The following LIN7A variants were observed in gnomAD, a reference collection of about 807,000 sequenced individuals.
The protein encoded by LIN7A is protein lin-7 homolog A.
In LIN7A, 25 loss-of-function variants were observed where a neutral mutation model predicts 29.8. The ratio of observed to expected loss-of-function variants is 0.84; its 90% confidence interval spans 0.61 to 1.17. The LOEUF is 1.17. Among genes scored for constraint, LIN7A ranks in the 50% most tolerant of loss-of-function variants. LIN7A has a pLI of 0.00. For synonymous variants in LIN7A, 118 were observed against 107.5 expected (o/e 1.10, Z -0.60); for missense variants, 239 against 287.0 (o/e 0.83, Z 1.21).
At chr12:80,909,052 G>T (rs548118093) in intron 1 of LIN7A, among the ~76,000 whole-genome samples, 1 of 151,892 alleles carries the variant, frequency 6.6e-6, no homozygotes, top group Non-Finnish European at 1.5e-5. Flanking sequence ...CTAACTCAAC[G>T]CCTCAAAGAT....
intron 1 of LIN7A, among the ~76,000 whole-genome samples, chr12:80,925,804 A>G (rs1247053688): frequency 1.3e-5 from 2 of 152,214 alleles, no homozygotes; most frequent in Non-Finnish European, 1.5e-5. Context: ...TGAAGAAAAT[A>G]GTATTAAAAT....
intron 1 of LIN7A, among the ~76,000 whole-genome samples, chr12:80,890,103 A>G (rs902737550): frequency 2.6e-5 from 4 of 152,152 alleles, no homozygotes; most frequent in Non-Finnish European, 5.9e-5. Context: ...ATTATTTTAA[A>G]TGCTTCTCTT....
At chr12:80,818,085 C>T (rs767572994) in intron 4 of LIN7A, among the ~76,000 whole-genome samples, 1 of 152,102 alleles carries the variant, frequency 6.6e-6, no homozygotes, top group Non-Finnish European at 1.5e-5. Context: ...ATTCCTTTCC[C>T]AAAAAGATAA....
At chr12:80,926,054 T>C (rs1299055061) in intron 1 of LIN7A, among the ~76,000 whole-genome samples, 1 of 152,218 alleles carries the variant, frequency 6.6e-6, no homozygotes, top group African/African-American at 2.4e-5. Context: ...TGGTTGTTTC[T>C]GCTGTAATGT....
At chr12:80,871,207 ATATAT>A (rs1337233300) in intron 2 of LIN7A, among the ~76,000 whole-genome samples, 2 of 152,192 alleles carry the variant, frequency 1.3e-5, no homozygotes, top group Non-Finnish European at 2.9e-5. Context: ...AGAAAAGAGA[ATATAT>A]CTGTGGTTAT....
rs1870291834 is a variant in LIN7A, at chr12:80,793,297, A to G, written c.*4430T>C. 1 of 152,230 alleles carries G rather than the reference A, an allele frequency of 6.6e-6. No individual in the cohort carries two copies. The highest frequency in any genetic ancestry group is 1.5e-5 in the Non-Finnish European group (1 of 68,036). The allele number at this position is 152,230 out of a possible 1,614,324, so 9.4% of individuals were successfully genotyped here. A position where few individuals can be genotyped will look rare whatever the true frequency, so the allele number is the denominator to read the frequency against. Reference sequence around the variant, plus strand: ...AGTGGCTAGAAAATAGAGCTGCATAAATGTTAGTTATGAATAAATTACTTA... The same window carrying G: ...AGTGGCTAGAAAATAGAGCTGCATAGATGTTAGTTATGAATAAATTACTTA... On this transcript the variant is annotated 3_prime_UTR_variant, in exon 6 of 6. Transcript: ENST00000552864.
At chr12:80,849,923 T>C (rs571269657) in intron 2 of LIN7A, among the ~76,000 whole-genome samples, 17 of 152,294 alleles carry the variant, frequency 1.1e-4, no homozygotes, top group African/African-American at 3.8e-4. Context: ...CTGAATTTGT[T>C]TGAAGTTATT....
intron 4 of LIN7A, among the ~76,000 whole-genome samples, chr12:80,829,768 T>G (rs1179977068): frequency 6.6e-6 from 1 of 152,162 alleles, no homozygotes; most frequent in African/African-American, 2.4e-5. Flanking sequence ...AATAATAATG[T>G]GTCATAACAA....
At chr12:80,855,757 T>C (rs1199792477) in intron 2 of LIN7A, among the ~76,000 whole-genome samples, 1 of 152,162 alleles carries the variant, frequency 6.6e-6, no homozygotes, top group Non-Finnish European at 1.5e-5. Context: ...GTACATACTG[T>C]ACTTGATATG....
chr12:80,827,911 T>C (rs1370625611), intron 4 of LIN7A, among the ~76,000 whole-genome samples: 1 of 152,182 alleles, frequency 6.6e-6, no homozygotes, highest in Non-Finnish European at 1.5e-5. Flanking sequence ...ATTCAAATCA[T>C]TCTGGACGTT....
At chr12:80,877,708 C>T (rs1874783105) in intron 2 of LIN7A, among the ~76,000 whole-genome samples, 1 of 152,120 alleles carries the variant, frequency 6.6e-6, no homozygotes, top group South Asian at 2.1e-4. Flanking sequence ...TTTCTTTTTA[C>T]ATGCAAATTA....
intron 4 of LIN7A, among the ~76,000 whole-genome samples, chr12:80,835,585 C>T (rs143098474): frequency 1.3e-5 from 2 of 152,052 alleles, no homozygotes; most frequent in Non-Finnish European, 2.9e-5. Context: ...AAAGAAAAGA[C>T]TATTATCTGA....
chr12:80,926,220 G>C (rs1877574221), intron 1 of LIN7A, among the ~76,000 whole-genome samples: 1 of 152,218 alleles, frequency 6.6e-6, no homozygotes, highest in Non-Finnish European at 1.5e-5. Context: ...CATAAGCACA[G>C]TCACTAACAG....
At chr12:80,836,688 A>AT (rs1249116258) in intron 4 of LIN7A, among the ~76,000 whole-genome samples, 1 of 151,990 alleles carries the variant, frequency 6.6e-6, no homozygotes, top group Non-Finnish European at 1.5e-5. Context: ...ATATATATAT[A>AT]TTTTAAAAGT....
chr12:80,902,781 T>C (rs943511555), intron 1 of LIN7A, among the ~76,000 whole-genome samples: 10 of 152,102 alleles, frequency 6.6e-5, no homozygotes, highest in African/African-American at 2.4e-4. Flanking sequence ...TAGGATTTTC[T>C]AGGTATAGAA....
rs1037473141 is a variant in LIN7A, at chr12:80,796,878, G to T, written c.*849C>A. On this transcript the variant is annotated 3_prime_UTR_variant, in exon 6 of 6. Transcript: ENST00000552864. ...TAACATACGAGAATCTGTTCACAGG[G>T]CTAGGTCCTTTGCTAGTATTCTCTT... The T allele has an allele frequency of 2.0e-5, 3 of 152,060 alleles. No homozygotes were observed. Among genetic ancestry groups the T allele is most frequent in the Non-Finnish European group, 4.4e-5 (3 of 68,002 alleles). The allele number at this position is 152,060 out of a possible 1,614,324, so 9.4% of individuals were successfully genotyped here.
chr12:80,912,859 A>G (rs1413100955), intron 1 of LIN7A, among the ~76,000 whole-genome samples: 1 of 152,180 alleles, frequency 6.6e-6, no homozygotes, highest in Non-Finnish European at 1.5e-5. Flanking sequence ...ATGTGAGCTC[A>G]CCTCCATACC....
chr12:80,929,504 T>A (rs1877773530), intron 1 of LIN7A, among the ~76,000 whole-genome samples: 1 of 152,202 alleles, frequency 6.6e-6, no homozygotes. Context: ...CTTGGAGAAG[T>A]GTTTCTACTA....
intron 1 of LIN7A, among the ~76,000 whole-genome samples, chr12:80,929,719 A>G (rs536846437): frequency 6.6e-6 from 1 of 152,248 alleles, no homozygotes; most frequent in African/African-American, 2.4e-5. Context: ...TTAAATATAT[A>G]TATGTACACA....
Sources: allele counts gnomAD v4.1 joint callset (sites outside exome capture counted in the v4.1 genomes callset), GRCh38; gene constraint gnomAD v4.1.1; transcripts MANE v1.5; gene names NCBI Gene and HGNC (gene_info 2026-07-23, HGNC 2026-07-21).